The following SLC17A9 variants were observed in gnomAD, a reference collection of about 807,000 sequenced individuals.
SLC17A9 encodes the protein voltage-gated purine nucleotide uniporter SLC17A9.
Under a neutral mutation model 55.0 loss-of-function variants are expected in SLC17A9, and 49 were observed. The ratio of observed to expected loss-of-function variants is 0.89; its 90% confidence interval spans 0.71 to 1.13. The LOEUF is 1.13. Ranked by LOEUF, SLC17A9 falls within the 50% of genes most tolerant of loss-of-function variation. The pLI, the probability that SLC17A9 is intolerant of heterozygous loss-of-function variation, is 0.00. For synonymous variants in SLC17A9, 256 were observed against 247.4 expected (o/e 1.03, Z -0.32); for missense variants, 526 against 569.3 (o/e 0.92, Z 0.77).
intron 1 of SLC17A9, 100 bp downstream of exon 1, chr20:62,952,989 G>C: frequency 7.5e-7 from 1 of 1,336,884 alleles, no homozygotes; most frequent in Non-Finnish European, 1.0e-6. Context: ...AGGTGGGGAG[G>C]GCTGAGCTGG....
In SLC17A9 at chr20:62,952,788, C is replaced by T. The variant is rs1034568364; in HGVS notation, c.-43C>T. On this transcript the variant is annotated 5_prime_UTR_variant, in exon 1 of 13. Transcript: ENST00000370351. ...GTCAGCCTGGGCTGGGAGGCAGCCC[C>T]GGGACACAGCTGTGCCCACGCCGTC... 7.2e-6 allele frequency: 11 copies of T among 1,528,618 alleles called. No individual in the cohort carries two copies. The highest frequency in any genetic ancestry group is 2.0e-5 in the Admixed American group (1 of 50,246). 94.7% of individuals were successfully genotyped at this position (1,528,618 alleles called of 1,614,324 possible). A position where few individuals can be genotyped will look rare whatever the true frequency, so the allele number is the denominator to read the frequency against.
chr20:62,962,856 G>T lies in SLC17A9; in HGVS notation c.628+102G>T. 6.7e-7 allele frequency: 1 copy of T among 1,503,246 alleles called. No homozygotes were observed. The highest frequency in any genetic ancestry group is 9.0e-7 in the Non-Finnish European group (1 of 1,116,826). The allele number at this position is 1,503,246 out of a possible 1,614,324, so 93.1% of individuals were successfully genotyped here. A position where few individuals can be genotyped will look rare whatever the true frequency, so the allele number is the denominator to read the frequency against. Reference sequence around the variant, plus strand: ...CAGCCTGGAGCAGGAGCCCGGAGACGATGGCTTTGACCTCCCAAAGAATCC... The same window carrying T: ...CAGCCTGGAGCAGGAGCCCGGAGACTATGGCTTTGACCTCCCAAAGAATCC... On this transcript the variant is annotated intron_variant, in intron 5 of 12. Transcript: ENST00000370351. The surrounding 1 kb of genome is among the most constrained non-coding windows in gnomAD (Gnocchi z 5.5).
In SLC17A9 at chr20:62,967,228, A is replaced by G; in HGVS notation, c.1148-109A>G. 6.8e-6 allele frequency: 9 copies of G among 1,318,398 alleles called. 1 individual carries two copies. In the South Asian group the frequency reaches 1.2e-4, roughly 18 times the overall value. The allele number at this position is 1,318,398 out of a possible 1,614,324, so 81.7% of individuals were successfully genotyped here. On this transcript the variant is annotated intron_variant, in intron 12 of 12. Coordinates refer to ENST00000370351, the MANE Select transcript of SLC17A9 (RefSeq NM_022082.4). Reference sequence around the variant, plus strand: ...CCTGGGAACCATGGGGGCTCCTATCAGGCGCTAGACCCCCAGCCCTTCCCC... The same window carrying G: ...CCTGGGAACCATGGGGGCTCCTATCGGGCGCTAGACCCCCAGCCCTTCCCC...
Position 62,958,809 on chromosome 20 carries a change from A to C in SLC17A9, c.397+1229A>C, listed in dbSNP as rs540764315. On this transcript the variant is annotated intron_variant, in intron 3 of 12. Coordinates refer to ENST00000370351, the MANE Select transcript of SLC17A9 (RefSeq NM_022082.4). The surrounding 1 kb of genome is among the most constrained non-coding windows in gnomAD (Gnocchi z 4.1). Reference sequence around the variant, plus strand: ...CTGGGACTGTCTCCATAACAGAGGAAGGGGGTCTGCCCAGGAGAGAGGCCA... The same window carrying C: ...CTGGGACTGTCTCCATAACAGAGGACGGGGGTCTGCCCAGGAGAGAGGCCA... Among the ~76,000 whole-genome samples, 1 of 152,280 alleles carries C rather than the reference A, an allele frequency of 6.6e-6. No individual in the cohort carries two copies. The highest frequency in any genetic ancestry group is 2.1e-4 in the South Asian group (1 of 4,822).
chr20:62,957,795 G>T (rs1458966482), intron 3 of SLC17A9, among the ~76,000 whole-genome samples: 1 of 125,442 alleles, frequency 8.0e-6, no homozygotes, highest in Admixed American at 8.3e-5. Context: ...ACCTGTGTGT[G>T]TGTGCGTGTG....
At chr20:62,965,522 CA>C (rs1601098852) in intron 9 of SLC17A9, 87 bp from the exon 10 acceptor site, 16 of 1,271,998 alleles carry the variant, frequency 1.3e-5, no homozygotes, top group Non-Finnish European at 1.7e-5. Context: ...GCGGTGCGCC[CA>C]GGGGGGCTTT....
In SLC17A9 at chr20:62,968,769, G is replaced by T. The variant is rs906185932; in HGVS notation, c.*1269G>T. On this transcript the variant is annotated 3_prime_UTR_variant, in exon 13 of 13. Transcript: ENST00000370351. ...GAAATGAGCATGCCAGCAGAGCCAGGCTGGGTTTCGGGGTTCCTTTGCCGC... is the reference window on the plus strand; with the variant it reads ...GAAATGAGCATGCCAGCAGAGCCAGTCTGGGTTTCGGGGTTCCTTTGCCGC... 3.9e-5 allele frequency: 6 copies of T among 152,254 alleles called. No homozygotes were observed. Among genetic ancestry groups the T allele is most frequent in the East Asian group, 1.9e-4 (1 of 5,200 alleles). 9.4% of individuals were successfully genotyped at this position (152,254 alleles called of 1,614,324 possible).
chr20:62,957,643 G>A, intron 3 of SLC17A9, 63 bp downstream of exon 3: 2 of 1,388,222 alleles, frequency 1.4e-6, no homozygotes, highest in Non-Finnish European at 9.6e-7. Context: ...CAAGGGGGGT[G>A]TGCACGGATG....
chr20:62,961,871 C>T (rs574764407), intron 4 of SLC17A9, among the ~76,000 whole-genome samples: 1 of 152,308 alleles, frequency 6.6e-6, no homozygotes, highest in South Asian at 2.1e-4. Context: ...GCTACCCCAG[C>T]CCGCCCTGGT....
Position 62,967,850 on chromosome 20 carries a change from A to ACCTCCCTCGGTCGCCGTGTTCTCCGCAAG in SLC17A9, c.*356_*384dup, listed in dbSNP as rs2065654666. 5.7e-6 allele frequency: 1 copy of ACCTCCCTCGGTCGCCGTGTTCTCCGCAAG among 176,786 alleles called. No homozygotes were observed. Among genetic ancestry groups the ACCTCCCTCGGTCGCCGTGTTCTCCGCAAG allele is most frequent in the African/African-American group, 2.4e-5 (1 of 41,944 alleles). 11.0% of individuals were successfully genotyped at this position (176,786 alleles called of 1,614,324 possible). A position where few individuals can be genotyped will look rare whatever the true frequency, so the allele number is the denominator to read the frequency against. ...ATCTGTTCCGCGTGGTTCCCGCCAA[A>ACCTCCCTCGGTCGCCGTGTTCTCCGCAAG]CCTCCCTCGGTCGCCGTGTTCTCCG... On this transcript the variant is annotated 3_prime_UTR_variant, in exon 13 of 13. Coordinates refer to ENST00000370351, the MANE Select transcript of SLC17A9 (RefSeq NM_022082.4).
At chr20:62,963,442 A>C in intron 6 of SLC17A9, 73 bp downstream of exon 6, 1 of 1,542,422 alleles carries the variant, frequency 6.5e-7, no homozygotes, top group Non-Finnish European at 8.8e-7. Flanking sequence ...ACCTGGCCGG[A>C]CCTGACAGCC....
chr20:62,957,418 A>G, intron 2 of SLC17A9, 23 bp from the exon 3 acceptor site: 1 of 1,555,510 alleles, frequency 6.4e-7, no homozygotes, highest in Non-Finnish European at 8.7e-7. Context: ...CCACATCCTC[A>G]CCTCCCTCTG....
rs1331347246 is a variant in SLC17A9 at position 62,962,732 on chromosome 20, C to G, written c.606C>G (p.Tyr202Ter). ...CCTTGCTTTGGGTGTGGTACGTGTA[C>G]AGGTACCTGCTGAGTGAAAAAGGTA... is the stretch of plus-strand genomic sequence containing the variant. ...GLTLLWVWYV[Y>*]RYLLSEKDLI... The change falls in exon 5 of 13, where the codon TAC becomes TAG. Residue 202 changes from tyrosine to a stop codon, truncating the protein, a stop_gained. Coordinates refer to ENST00000370351, the MANE Select transcript of SLC17A9 (RefSeq NM_022082.4). LOFTEE classifies it high-confidence loss of function. The surrounding 1 kb of genome is among the most constrained non-coding windows in gnomAD (Gnocchi z 5.5). The G allele has an allele frequency of 6.2e-7, 1 of 1,613,948 alleles. No homozygotes were observed. Among genetic ancestry groups the G allele is most frequent in the East Asian group, 2.2e-5 (1 of 44,870 alleles).
At chr20:62,964,114 G>A (rs956168607) in intron 7 of SLC17A9, 114 bp from the exon 8 acceptor site, 23 of 1,051,512 alleles carry the variant, frequency 2.2e-5, no homozygotes, top group African/African-American at 4.7e-5. Context: ...TGGCCCTGCC[G>A]GAGAGCTTTC....
At position 62,952,870 on chromosome 20, in the gene SLC17A9, G is replaced by C; in HGVS notation, c.40G>C (p.Gly14Arg). Residue 14 changes from glycine (G) to arginine (R), a missense_variant, in exon 1 of 13, where the codon GGG becomes CGG. Gly to Arg is a moderately radical substitution (Grantham distance 125). Transcript: ENST00000370351. ...AGACGAGGCCCGCAGGGACATGGCCGGGGACACCCAGTGGTCCAGGTGTGG... is the reference window on the plus strand; with the variant it reads ...AGACGAGGCCCGCAGGGACATGGCCCGGGACACCCAGTGGTCCAGGTGTGG... ...PPDEARRDMA[G>R]DTQWSRPECQ... 3 of 1,519,264 alleles carry C rather than the reference G, an allele frequency of 2.0e-6. No individual in the cohort carries two copies. The highest frequency in any genetic ancestry group is 4.9e-5 in the East Asian group (2 of 40,654). 94.1% of individuals were successfully genotyped at this position (1,519,264 alleles called of 1,614,324 possible).
At chr20:62,953,373 G>C in intron 1 of SLC17A9, 3 of 1,386,466 alleles carry the variant, frequency 2.2e-6, no homozygotes, top group Non-Finnish European at 3.0e-6. Context: ...GCTGGCTTCA[G>C]CTCTCGGAGC....
At chr20:62,960,936 C>T (rs189145892) in intron 4 of SLC17A9, among the ~76,000 whole-genome samples, 291 of 152,382 alleles carry the variant, frequency 1.9e-3, no homozygotes, top group African/African-American at 6.3e-3. Context: ...CCCCACCATC[C>T]GCTGGCCCCC....
rs2065644057 is a variant in SLC17A9, at chr20:62,966,739, G to T, written c.1147+7G>T. On this transcript the variant is annotated splice_region_variant and intron_variant, in intron 12 of 12. Transcript: ENST00000370351. ...ACAGCCGGGGCCTTGGCAGGTGAGGGGCGGGCCTCTGTGCCCAGGAGTTCC... is the reference window on the plus strand; with the variant it reads ...ACAGCCGGGGCCTTGGCAGGTGAGGTGCGGGCCTCTGTGCCCAGGAGTTCC... 2 of 1,609,480 alleles carry T rather than the reference G, an allele frequency of 1.2e-6. No individual in the cohort carries two copies.
chr20:62,956,343 C>T (rs184421624), intron 1 of SLC17A9, among the ~76,000 whole-genome samples: 1 of 152,352 alleles, frequency 6.6e-6, no homozygotes, highest in African/African-American at 2.4e-5. Context: ...ACCCGGGGTG[C>T]AGCCAGCTCC....
Sources: gnomAD v4.1 joint callset for allele counts (sites outside exome capture counted in the v4.1 genomes callset) on GRCh38, gnomAD v4.1.1 for gene constraint, Gnocchi (gnomAD v3.1) non-coding constraint, MANE v1.5 for transcripts, NCBI Gene and HGNC (gene_info 2026-07-23, HGNC 2026-07-21) for gene names.